The following SH3GL2 variants were observed in gnomAD, a reference collection of about 807,000 sequenced individuals.
SH3GL2 encodes SH3 domain containing GRB2 like 2, endophilin A1.
Under a neutral mutation model 46.0 loss-of-function variants are expected in SH3GL2, and 24 were observed. The ratio of observed to expected loss-of-function variants is 0.52; its 90% CI spans 0.38 to 0.73. The LOEUF is 0.73. Among genes scored for constraint, SH3GL2 ranks in the 30% least tolerant of loss-of-function variants. The pLI is 0.00. For synonymous variants in SH3GL2, 196 were observed against 147.1 expected (o/e 1.33, Z -2.40); for missense variants, 413 against 424.2 (o/e 0.97, Z 0.23).
intron 1 of SH3GL2, among the ~76,000 whole-genome samples, chr9:17,666,576 G>GTGTGTA (rs1820347817): frequency 9.9e-6 from 1 of 100,510 alleles, no homozygotes; most frequent in Non-Finnish European, 2.2e-5. Context: ...GTGTGTGTGT[G>GTGTGTA]TGTATATACA....
intron 1 of SH3GL2, among the ~76,000 whole-genome samples, chr9:17,615,799 A>T (rs553527537): frequency 7.0e-4 from 106 of 151,212 alleles, no homozygotes; most frequent in Non-Finnish European, 1.4e-3. Context: ...TTTATTTTCT[A>T]TAGGAAAATT....
intron 1 of SH3GL2, among the ~76,000 whole-genome samples, chr9:17,594,653 T>TA (rs1184017678): frequency 4.0e-5 from 6 of 150,920 alleles, no homozygotes; most frequent in East Asian, 3.9e-4. Flanking sequence ...AAATAAAAAT[T>TA]AAAAAAATAA....
At position 17,795,818 on chromosome 9, in the gene SH3GL2, A is replaced by G. The variant is rs986550402; in HGVS notation, c.*75A>G. The G allele has an allele frequency of 1.2e-5, 15 of 1,235,040 alleles. No homozygotes were observed. Among genetic ancestry groups the G allele is most frequent in the Non-Finnish European group, 1.5e-5 (13 of 861,622 alleles). The allele number at this position is 1,235,040 out of a possible 1,614,324, so 76.5% of individuals were successfully genotyped here. ...AACCACTGCTTTGGCAATGCTGCTT[A>G]TAACACATCCCAAGTGCAGGCCGCA... On this transcript the variant is annotated 3_prime_UTR_variant, in exon 9 of 9. Transcript: ENST00000380607.
chr9:17,663,921 T>G (rs994941224), intron 1 of SH3GL2, among the ~76,000 whole-genome samples: 1 of 152,228 alleles, frequency 6.6e-6, no homozygotes, highest in Non-Finnish European at 1.5e-5. Flanking sequence ...TTTTTTGTTA[T>G]GGAGAGAGAC....
chr9:17,690,602 G>A (rs1227303226), intron 1 of SH3GL2, among the ~76,000 whole-genome samples: 1 of 152,086 alleles, frequency 6.6e-6, no homozygotes, highest in East Asian at 1.9e-4. Context: ...CAGGTGTTAG[G>A]ACCTGTGAGT....
chr9:17,593,969 C>G (rs1818527960), intron 1 of SH3GL2, among the ~76,000 whole-genome samples: 2 of 152,134 alleles, frequency 1.3e-5, no homozygotes, highest in South Asian at 4.1e-4. Flanking sequence ...AGTTGCACAG[C>G]TGAGGTAATA....
At chr9:17,615,138 G>C (rs895287225) in intron 1 of SH3GL2, among the ~76,000 whole-genome samples, 4 of 152,178 alleles carry the variant, frequency 2.6e-5, no homozygotes, top group African/African-American at 9.7e-5. Flanking sequence ...ACGGCTGTGT[G>C]TTTATTGCAC....
At chr9:17,720,866 T>G (rs888002331) in intron 1 of SH3GL2, among the ~76,000 whole-genome samples, 1 of 152,120 alleles carries the variant, frequency 6.6e-6, no homozygotes, top group Non-Finnish European at 1.5e-5. Flanking sequence ...CCACCAAAAT[T>G]TGATGAATGT....
At position 17,697,295 on chromosome 9, in the gene SH3GL2, C is replaced by A. The variant is rs566598239; in HGVS notation, c.46-49771C>A. Among the ~76,000 whole-genome samples the A allele has an allele frequency of 2.5e-4, 38 of 151,694 alleles. No individual in the cohort carries two copies. The South Asian group carries it at 7.3e-3, about 29-fold the overall frequency. ...CTGGAGTGCAGTGACATGATCTCGGCTCACTGCAAACTCCGCCTCCCGGGT... is the reference window on the plus strand; with the variant it reads ...CTGGAGTGCAGTGACATGATCTCGGATCACTGCAAACTCCGCCTCCCGGGT... On this transcript the variant is annotated intron_variant, in intron 1 of 8. Coordinates refer to ENST00000380607, the MANE Select transcript of SH3GL2 (RefSeq NM_003026.5).
chr9:17,681,330 T>G (rs1820761076), intron 1 of SH3GL2, among the ~76,000 whole-genome samples: 1 of 152,168 alleles, frequency 6.6e-6, no homozygotes, highest in Non-Finnish European at 1.5e-5. Flanking sequence ...CAATTAATGC[T>G]TGTCCTTTTT....
chr9:17,661,260 GTTGAT>G (rs1820205584), intron 1 of SH3GL2, among the ~76,000 whole-genome samples: 1 of 152,212 alleles, frequency 6.6e-6, no homozygotes, highest in Admixed American at 6.5e-5. Flanking sequence ...GCCCTGTGCT[GTTGAT>G]TTGGATAAAG....
intron 1 of SH3GL2, among the ~76,000 whole-genome samples, chr9:17,639,854 A>C (rs944615918): frequency 3.3e-5 from 5 of 152,234 alleles, no homozygotes; most frequent in Admixed American, 3.3e-4. Context: ...TTTAAAAGTT[A>C]TGCTAAGTGA....
intron 2 of SH3GL2, among the ~76,000 whole-genome samples, chr9:17,751,393 A>G (rs1173492666): frequency 6.6e-6 from 1 of 152,098 alleles, no homozygotes; most frequent in East Asian, 1.9e-4. Flanking sequence ...ATGAGTAGAA[A>G]CCATGGGGAG....
intron 1 of SH3GL2, among the ~76,000 whole-genome samples, chr9:17,719,790 C>G (rs58028636): frequency 0.063 from 8,705 of 138,216 alleles, 847 homozygotes; most frequent in African/African-American, 0.21. Flanking sequence ...GAGACCCTGT[C>G]TTGAAAAAAA....
intron 1 of SH3GL2, among the ~76,000 whole-genome samples, chr9:17,639,151 A>T (rs1225358918): frequency 6.6e-6 from 1 of 152,232 alleles, no homozygotes; most frequent in Non-Finnish European, 1.5e-5. Context: ...ACATTAGATT[A>T]TGGAAAGATT....
intron 1 of SH3GL2, among the ~76,000 whole-genome samples, chr9:17,700,885 C>G (rs761946066): frequency 5.3e-5 from 8 of 152,142 alleles, no homozygotes; most frequent in Non-Finnish European, 1.0e-4. Flanking sequence ...TATGTTTGCA[C>G]CAACCTAAAT....
At chr9:17,676,511 C>T (rs1407963687) in intron 1 of SH3GL2, among the ~76,000 whole-genome samples, 2 of 152,134 alleles carry the variant, frequency 1.3e-5, no homozygotes, top group Non-Finnish European at 2.9e-5. Context: ...GAGGCTGAGG[C>T]AGGAGAATCA....
At chr9:17,611,999 A>G (rs1011210242) in intron 1 of SH3GL2, among the ~76,000 whole-genome samples, 12 of 152,192 alleles carry the variant, frequency 7.9e-5, no homozygotes, top group African/African-American at 2.9e-4. Flanking sequence ...TTGTGAAGTC[A>G]GTAGCTAATA....
chr9:17,738,511 CAT>C lies in SH3GL2; in HGVS notation c.46-8552_46-8551del, dbSNP rs1310874563. Reference sequence around the variant, plus strand: ...ACACACACATATACATACATATATACATATGTGTGTGTATATACATACATATA... The same window carrying C: ...ACACACACATATACATACATATATACATGTGTGTGTATATACATACATATA... On this transcript the variant is annotated intron_variant, in intron 1 of 8. Coordinates refer to ENST00000380607, the MANE Select transcript of SH3GL2 (RefSeq NM_003026.5). Among the ~76,000 whole-genome samples the C allele has an allele frequency of 6.4e-4, 82 of 127,190 alleles. 1 individual carries two copies. Among genetic ancestry groups the C allele is most frequent in the African/African-American group, 2.1e-3 (81 of 37,776 alleles). The allele number at this position is 127,190 out of a possible 152,430, so 83.4% of individuals were successfully genotyped here. A position where few individuals can be genotyped will look rare whatever the true frequency, so the allele number is the denominator to read the frequency against.
Sources: gnomAD v4.1 joint callset for allele counts (sites outside exome capture counted in the v4.1 genomes callset) on GRCh38, gnomAD v4.1.1 for gene constraint, MANE v1.5 for transcripts, NCBI Gene and HGNC (gene_info 2026-07-23, HGNC 2026-07-21) for gene names.